The following WWTR1 variants were observed in gnomAD, a reference collection of about 807,000 sequenced individuals.
The protein encoded by WWTR1 is WW domain-containing transcription regulator protein 1.
A neutral mutation model predicts 40.1 loss-of-function variants in WWTR1; 13 were observed. The ratio of observed to expected loss-of-function variants is 0.32; its 90% CI spans 0.21 to 0.52. The LOEUF (loss-of-function observed/expected upper bound fraction) is 0.52, where lower values mean the gene tolerates loss of function less well. WWTR1 is among the 20% of genes least tolerant of loss of function. The pLI, the probability that WWTR1 is intolerant of heterozygous loss-of-function variation, is 0.97. For synonymous variants in WWTR1, 230 were observed against 210.1 expected, an observed-to-expected ratio of 1.09 and a Z score of -0.82; for missense variants, 436 against 523.1, an observed-to-expected ratio of 0.83 and a Z score of 1.63.
intron 3 of WWTR1, among the ~76,000 whole-genome samples, chr3:149,558,430 A>C (rs1576558563): frequency 6.6e-6 from 1 of 152,218 alleles, no homozygotes. Context: ...ATTTTAGGCC[A>C]TACCTTATAG....
At chr3:149,585,156 T>TG (rs1357473754) in intron 2 of WWTR1, among the ~76,000 whole-genome samples, 6 of 59,240 alleles carry the variant, frequency 1.0e-4, no homozygotes, top group African/African-American at 3.2e-4. Context: ...GTGTGTGTGT[T>TG]TAAGATGGAG....
chr3:149,669,921 G>C (rs761941502), intron 1 of WWTR1: 2 of 152,260 alleles, frequency 1.3e-5, no homozygotes, highest in Admixed American at 6.5e-5. Flanking sequence ...GAAAGAAGGT[G>C]AGTAAGCTAG....
intron 2 of WWTR1, among the ~76,000 whole-genome samples, chr3:149,641,385 T>G (rs1712160852): frequency 6.6e-6 from 1 of 152,210 alleles, no homozygotes; most frequent in Admixed American, 6.5e-5. Context: ...AATTTGTTAC[T>G]GACGCTTTGC....
chr3:149,568,461 C>G (rs1055566709), intron 3 of WWTR1, among the ~76,000 whole-genome samples: 11 of 111,258 alleles, frequency 9.9e-5, no homozygotes, highest in Admixed American at 2.4e-4. Context: ...TTGGCAAATA[C>G]AAAAACTAAA....
At chr3:149,651,835 T>C (rs1193011888) in intron 2 of WWTR1, among the ~76,000 whole-genome samples, 3 of 147,096 alleles carry the variant, frequency 2.0e-5, no homozygotes, top group Non-Finnish European at 4.5e-5. Context: ...TTTTCTTTTT[T>C]TTTTTTTTTT....
intron 4 of WWTR1, 65 bp from the exon 5 acceptor site, chr3:149,528,034 T>A: frequency 6.4e-7 from 1 of 1,551,266 alleles, no homozygotes; most frequent in Admixed American, 2.0e-5. Flanking sequence ...CAAAGTGTAC[T>A]TCACATCAAA....
rs186614259 is a variant in WWTR1 at position 149,714,153 on chromosome 3, A to C, written n.584+3289T>G. Among the ~76,000 whole-genome samples the C allele has an allele frequency of 3.3e-3, 509 of 152,310 alleles. 1 individual carries two copies. The highest frequency in any genetic ancestry group is 5.5e-3 in the Non-Finnish European group (377 of 68,000). On this transcript the variant is annotated intron_variant and non_coding_transcript_variant, in intron 5 of 6. Coordinates refer to the WWTR1 transcript ENST00000474080. ...CTGGGCCTGGGGCGGTGTCACCTTC[A>C]TGAAGCCAGCGGGAGCCGGGAGCAG... is the stretch of plus-strand genomic sequence containing the variant.
At chr3:149,618,283 A>G (rs533846187) in intron 2 of WWTR1, among the ~76,000 whole-genome samples, 1 of 152,280 alleles carries the variant, frequency 6.6e-6, no homozygotes, top group African/African-American at 2.4e-5. Flanking sequence ...CTGGGTCTAC[A>G]ATGTCTTGCA....
At chr3:149,554,352 T>C (rs1433370132) in intron 3 of WWTR1, among the ~76,000 whole-genome samples, 1 of 152,188 alleles carries the variant, frequency 6.6e-6, no homozygotes, top group Non-Finnish European at 1.5e-5. Context: ...CAAGCCTGTC[T>C]AGTTTTAGAC....
intron 1 of WWTR1, among the ~76,000 whole-genome samples, chr3:149,685,679 C>G (rs1364776047): frequency 6.6e-6 from 1 of 152,024 alleles, no homozygotes; most frequent in African/African-American, 2.4e-5. Flanking sequence ...CTTGATTCAT[C>G]AATTCCTCCT....
chr3:149,688,591 A>G (rs1338926833), intron 1 of WWTR1, among the ~76,000 whole-genome samples: 1 of 152,250 alleles, frequency 6.6e-6, no homozygotes, highest in African/African-American at 2.4e-5. Flanking sequence ...CTCCTAATGC[A>G]TATATGGCTT....
At chr3:149,602,607 C>T (rs537401492) in intron 2 of WWTR1, among the ~76,000 whole-genome samples, 1 of 152,276 alleles carries the variant, frequency 6.6e-6, no homozygotes, top group Admixed American at 6.5e-5. Flanking sequence ...CCTCAAATAG[C>T]TATTTTCATC....
chr3:149,615,677 A>T (rs545583440), intron 2 of WWTR1, among the ~76,000 whole-genome samples: 91 of 152,320 alleles, frequency 6.0e-4, no homozygotes, highest in African/African-American at 2.0e-3. Context: ...ATACTCATCA[A>T]TTCCTTGAGA....
chr3:149,594,567 A>G (rs1738886462), intron 2 of WWTR1, among the ~76,000 whole-genome samples: 1 of 152,184 alleles, frequency 6.6e-6, no homozygotes, highest in Non-Finnish European at 1.5e-5. Context: ...CGTGTGTGAT[A>G]GTGGTCTAAA....
intron 1 of WWTR1, among the ~76,000 whole-genome samples, chr3:149,696,960 T>C (rs1252410808): frequency 1.3e-5 from 2 of 152,172 alleles, no homozygotes; most frequent in Admixed American, 1.3e-4. Flanking sequence ...CATTTTCCCC[T>C]TCACCTGGCT....
In WWTR1 at chr3:149,683,216, A is replaced by G. The variant is rs73000091; in HGVS notation, c.-107-13325T>C. ...ATTCTTTTGATTTTACAAGTGAGGA[A>G]AGTAAGGCTCAGAAAGGTCAATGAG... is the stretch of plus-strand genomic sequence containing the variant. On this transcript the variant is annotated intron_variant, in intron 1 of 7. Coordinates refer to the WWTR1 transcript ENST00000465804. Among the ~76,000 whole-genome samples the G allele has an allele frequency of 6.7e-3, 1,015 of 152,344 alleles. 11 individuals are homozygous for G. The highest frequency in any genetic ancestry group is 0.023 in the African/African-American group (947 of 41,580).
At chr3:149,668,272 T>G (rs752004355) in intron 2 of WWTR1, among the ~76,000 whole-genome samples, 1 of 152,186 alleles carries the variant, frequency 6.6e-6, no homozygotes, top group Non-Finnish European at 1.5e-5. Context: ...TACATTATCA[T>G]GTGAAAAATC....
intron 5 of WWTR1, among the ~76,000 whole-genome samples, chr3:149,713,262 T>C (rs1232962600): frequency 1.3e-5 from 2 of 152,178 alleles, no homozygotes; most frequent in Non-Finnish European, 2.9e-5. Flanking sequence ...TTTTCACACA[T>C]AAACCGTTAG....
At chr3:149,541,978 A>G (rs1043418446) in intron 4 of WWTR1, among the ~76,000 whole-genome samples, 5 of 152,140 alleles carry the variant, frequency 3.3e-5, no homozygotes, top group Non-Finnish European at 7.3e-5. Context: ...GACCCACAAA[A>G]TTGTGCGATA....
Sources: allele counts gnomAD v4.1 joint callset (sites outside exome capture counted in the v4.1 genomes callset), GRCh38; gene constraint gnomAD v4.1.1; transcripts MANE v1.5; gene names NCBI Gene and HGNC (gene_info 2026-07-23, HGNC 2026-07-21).